Variants in ROBO2 observed in about 807,000 individuals in gnomAD.
The protein encoded by ROBO2 is roundabout guidance receptor 2, also known as roundabout homolog 2.
In ROBO2, 53 loss-of-function variants were observed where a neutral mutation model predicts 160.8. The observed-to-expected ratio is 0.33, with a 90% confidence interval of 0.26 to 0.41. The LOEUF is 0.41. Among genes scored for constraint, ROBO2 ranks in the 10% least tolerant of loss-of-function variants. ROBO2 has a pLI of 1.00. For synonymous variants in ROBO2, 664 were observed against 611.7 expected (o/e 1.09, Z -1.26); for missense variants, 1,577 against 1,722.4 (o/e 0.92, Z 1.49).
chr3:77,503,675 T>C (rs1383156432), intron 5 of ROBO2, among the ~76,000 whole-genome samples: 1 of 152,030 alleles, frequency 6.6e-6, no homozygotes, highest in African/African-American at 2.4e-5. Context: ...AATAGTTCCA[T>C]GGATGGTTAT....
chr3:76,665,576 A>T (rs2091986265), intron 2 of ROBO2, among the ~76,000 whole-genome samples: 1 of 150,514 alleles, frequency 6.6e-6, no homozygotes, highest in South Asian at 2.1e-4. Context: ...ATGGAACAAT[A>T]CCAATAAATA....
intron 2 of ROBO2, among the ~76,000 whole-genome samples, chr3:76,460,657 A>C (rs2078036185): frequency 6.6e-6 from 1 of 152,210 alleles, no homozygotes; most frequent in South Asian, 2.1e-4. Flanking sequence ...TTGAAAGCAA[A>C]TCCTCTAGTC....
chr3:77,364,878 G>A (rs1465588772), intron 2 of ROBO2, among the ~76,000 whole-genome samples: 2 of 152,106 alleles, frequency 1.3e-5, no homozygotes, highest in South Asian at 4.1e-4. Context: ...CAGGAGGCAG[G>A]AGCAGTGAGT....
At chr3:76,051,882 T>G (rs2067665652) in intron 2 of ROBO2, among the ~76,000 whole-genome samples, 1 of 149,802 alleles carries the variant, frequency 6.7e-6, no homozygotes, top group African/African-American at 2.5e-5. Context: ...TTATTTAGAG[T>G]TTTGAAGAGA....
At chr3:76,882,361 A>G (rs562673218) in intron 2 of ROBO2, among the ~76,000 whole-genome samples, 14 of 152,252 alleles carry the variant, frequency 9.2e-5, no homozygotes, top group African/African-American at 2.9e-4. Context: ...CATGTGTTCC[A>G]CAGCTGAGTT....
intron 2 of ROBO2, among the ~76,000 whole-genome samples, chr3:77,265,406 C>T (rs62249717): frequency 6.6e-6 from 1 of 152,044 alleles, no homozygotes; most frequent in African/African-American, 2.4e-5. Context: ...AAACTCAATG[C>T]CTTTTACAAG....
rs1481130810 is a variant in ROBO2, at chr3:77,294,292, T to G, written c.389-183122T>G. Reference sequence around the variant, plus strand: ...AGTTGAGGCTAGAGCACTAAAGACATAAAGTAAAATTGACGGTTAAACGGG... The same window carrying G: ...AGTTGAGGCTAGAGCACTAAAGACAGAAAGTAAAATTGACGGTTAAACGGG... On this transcript the variant is annotated intron_variant, in intron 2 of 25. Transcript: ENST00000461745. Among the ~76,000 whole-genome samples the G allele has an allele frequency of 1.4e-5, 2 of 142,936 alleles. 1 individual carries two copies. Among genetic ancestry groups the G allele is most frequent in the African/African-American group, 5.4e-5 (2 of 36,852 alleles). 93.8% of individuals were successfully genotyped at this position (142,936 alleles called of 152,430 possible). A position where few individuals can be genotyped will look rare whatever the true frequency, so the allele number is the denominator to read the frequency against.
chr3:77,288,919 T>A (rs1164407900), intron 2 of ROBO2, among the ~76,000 whole-genome samples: 1 of 151,632 alleles, frequency 6.6e-6, no homozygotes, highest in Non-Finnish European at 1.5e-5. Flanking sequence ...AGAAGTAAAG[T>A]TGTCAATATA....
chr3:76,745,705 C>A (rs1016230994), intron 2 of ROBO2, among the ~76,000 whole-genome samples: 3 of 151,912 alleles, frequency 2.0e-5, no homozygotes, highest in Non-Finnish European at 4.4e-5. Context: ...ATCAAATTTT[C>A]TTTGAATCTC....
chr3:77,539,321 G>A (rs753649838), intron 6 of ROBO2, among the ~76,000 whole-genome samples: 12 of 152,120 alleles, frequency 7.9e-5, no homozygotes, highest in African/African-American at 1.2e-4. Flanking sequence ...TAGGCTTTGG[G>A]TCATACATTT....
intron 2 of ROBO2, among the ~76,000 whole-genome samples, chr3:76,950,005 G>A (rs1195089473): frequency 1.3e-5 from 2 of 152,284 alleles, no homozygotes; most frequent in African/African-American, 2.4e-5. Flanking sequence ...TCTGTACAAG[G>A]TTAGAATGAG....
chr3:77,408,582 A>T (rs2076445234), intron 2 of ROBO2, among the ~76,000 whole-genome samples: 1 of 152,184 alleles, frequency 6.6e-6, no homozygotes, highest in African/African-American at 2.4e-5. Context: ...GTTTTTTATA[A>T]TATACTATCA....
intron 5 of ROBO2, among the ~76,000 whole-genome samples, chr3:77,507,860 T>A (rs1351506356): frequency 6.6e-6 from 1 of 152,086 alleles, no homozygotes; most frequent in East Asian, 1.9e-4. Flanking sequence ...AAGAACTTAT[T>A]GAAAATAATA....
chr3:76,495,729 G>A (rs192351374), intron 2 of ROBO2, among the ~76,000 whole-genome samples: 2 of 152,184 alleles, frequency 1.3e-5, no homozygotes, highest in East Asian at 3.9e-4. Context: ...GGGTTTTACA[G>A]CAGGTCTCAT....
intron 2 of ROBO2, among the ~76,000 whole-genome samples, chr3:76,493,845 T>A (rs986613072): frequency 2.0e-5 from 3 of 152,164 alleles, no homozygotes; most frequent in Admixed American, 6.5e-5. Flanking sequence ...AGAAAGTAAT[T>A]TTTTATTCCT....
intron 2 of ROBO2, among the ~76,000 whole-genome samples, chr3:77,376,321 A>AT (rs567008855): frequency 2.6e-5 from 4 of 150,972 alleles, no homozygotes; most frequent in East Asian, 2.0e-4. Flanking sequence ...CACCTGGCTA[A>AT]TTTTTTTTGT....
In ROBO2 at chr3:77,258,980, A is replaced by G. The variant is rs146983536; in HGVS notation, c.388+160640A>G. 1.9e-3 allele frequency among the ~76,000 whole-genome samples: 283 copies of G among 152,302 alleles called. 1 individual carries two copies. Among genetic ancestry groups the G allele is most frequent in the African/African-American group, 6.6e-3 (273 of 41,558 alleles). On this transcript the variant is annotated intron_variant, in intron 2 of 25. Coordinates refer to ENST00000461745, the Ensembl canonical transcript of ROBO2. ...ACTTCACATTCCAGCTCTGCTGAAC[A>G]GTTGACTGATCTCTGCACAGTCAGT...
chr3:76,448,742 AC>A (rs1455174481), intron 2 of ROBO2, among the ~76,000 whole-genome samples: 2 of 152,200 alleles, frequency 1.3e-5, no homozygotes, highest in African/African-American at 4.8e-5. Context: ...ACCAGACTTT[AC>A]ATTTGTTAAT....
At chr3:77,478,832 G>A (rs1308917602) in intron 3 of ROBO2, among the ~76,000 whole-genome samples, 1 of 152,164 alleles carries the variant, frequency 6.6e-6, no homozygotes, top group African/African-American at 2.4e-5. Context: ...TGGAAGGGAT[G>A]ACAATGTATA....
Sources: allele counts gnomAD v4.1 joint callset (sites outside exome capture counted in the v4.1 genomes callset), GRCh38; gene constraint gnomAD v4.1.1; transcripts MANE v1.5; gene names NCBI Gene and HGNC (gene_info 2026-07-23, HGNC 2026-07-21).